The following BRINP2 variants were observed in gnomAD, a reference collection of about 807,000 sequenced individuals.
The protein encoded by BRINP2 is BMP/retinoic acid inducible neural specific 2.
A neutral mutation model predicts 69.2 loss-of-function variants in BRINP2; 21 were observed. The ratio of observed to expected loss-of-function variants is 0.30; its 90% CI spans 0.22 to 0.44. The LOEUF (loss-of-function observed/expected upper bound fraction) is 0.44. Ranked by LOEUF, BRINP2 falls within the 20% of genes least tolerant of loss-of-function variation. BRINP2 has a pLI of 1.00. For missense variants in BRINP2, 877 were observed against 986.0 expected, an observed-to-expected ratio of 0.89 and a Z score of 1.48; for synonymous variants, 380 against 394.1, an observed-to-expected ratio of 0.96 and a Z score of 0.42.
At chr1:177,250,750 A>T (rs977712243) in intron 2 of BRINP2, among the ~76,000 whole-genome samples, 12 of 152,338 alleles carry the variant, frequency 7.9e-5, no homozygotes, top group African/African-American at 2.2e-4. Context: ...TCTACTCCAT[A>T]GCACAGTTGT....
intron 1 of BRINP2, among the ~76,000 whole-genome samples, chr1:177,218,611 G>A (rs1458534350): frequency 2.0e-5 from 3 of 152,120 alleles, no homozygotes; most frequent in Non-Finnish European, 2.9e-5. Flanking sequence ...TGAGAATGGG[G>A]TGAGTTGCCT....
intron 1 of BRINP2, among the ~76,000 whole-genome samples, chr1:177,198,941 C>A (rs1285818492): frequency 6.6e-6 from 1 of 152,130 alleles, no homozygotes; most frequent in Non-Finnish European, 1.5e-5. Context: ...CCCTTCCTAA[C>A]CCTGAAAAGA....
chr1:177,224,215 C>T (rs1001228425), intron 1 of BRINP2, among the ~76,000 whole-genome samples: 2 of 152,148 alleles, frequency 1.3e-5, no homozygotes, highest in Non-Finnish European at 2.9e-5. Flanking sequence ...CTGACACCCT[C>T]AGATTTATTC....
At chr1:177,193,775 C>G (rs545832334) in intron 1 of BRINP2, among the ~76,000 whole-genome samples, 1 of 152,152 alleles carries the variant, frequency 6.6e-6, no homozygotes, top group Non-Finnish European at 1.5e-5. Flanking sequence ...TTTATAGACT[C>G]GTATGGTTCT....
chr1:177,274,342 C>T (rs1388323900), intron 5 of BRINP2, among the ~76,000 whole-genome samples: 2 of 152,186 alleles, frequency 1.3e-5, no homozygotes, highest in Non-Finnish European at 2.9e-5. Flanking sequence ...CAAGGCCTAA[C>T]TGAATTGTAC....
chr1:177,280,261 C>T (rs547885177), intron 7 of BRINP2, 151 bp from the exon 8 acceptor site: 10 of 825,372 alleles, frequency 1.2e-5, no homozygotes, highest in African/African-American at 1.0e-4. Flanking sequence ...TCCAAAGTAG[C>T]AAAGTAGAGT....
At position 177,210,959 on chromosome 1, in the gene BRINP2, T is replaced by C. The variant is rs1428397291; in HGVS notation, c.-76-18842T>C. On this transcript the variant is annotated intron_variant, in intron 1 of 7. Coordinates refer to ENST00000361539, the MANE Select transcript of BRINP2 (RefSeq NM_021165.4). Reference sequence around the variant, plus strand: ...TAGGTGCATTTATTTCTTTTTATATTTTTAATATAGCTATTAGTAAATTTA... The same window carrying C: ...TAGGTGCATTTATTTCTTTTTATATCTTTAATATAGCTATTAGTAAATTTA... Among the ~76,000 whole-genome samples, 47 of 148,648 alleles carry C rather than the reference T, an allele frequency of 3.2e-4. No homozygotes were observed. In the Admixed American group the frequency reaches 3.2e-3, roughly 10 times the overall value.
At chr1:177,254,318 C>T (rs1187326951) in intron 2 of BRINP2, among the ~76,000 whole-genome samples, 1 of 151,848 alleles carries the variant, frequency 6.6e-6, no homozygotes, top group Non-Finnish European at 1.5e-5. Context: ...TACCACATAA[C>T]ACTAAGAGTC....
intron 4 of BRINP2, among the ~76,000 whole-genome samples, chr1:177,271,577 G>A (rs554276511): frequency 2.0e-5 from 3 of 152,198 alleles, no homozygotes; most frequent in South Asian, 2.1e-4. Context: ...CCTCCTTGGA[G>A]AGTGATAGTA....
chr1:177,187,224 T>C (rs1374718396), intron 1 of BRINP2, among the ~76,000 whole-genome samples: 1 of 137,670 alleles, frequency 7.3e-6, no homozygotes, highest in East Asian at 2.1e-4. Context: ...CCCTAGCATA[T>C]TGTGCCCCCC....
intron 1 of BRINP2, among the ~76,000 whole-genome samples, chr1:177,179,607 TCACA>T (rs112089995): frequency 3.3e-5 from 5 of 152,102 alleles, no homozygotes; most frequent in African/African-American, 1.2e-4. Flanking sequence ...ACTCTTTCTC[TCACA>T]CACACACACC....
At chr1:177,250,849 C>A (rs913289692) in intron 2 of BRINP2, among the ~76,000 whole-genome samples, 1 of 152,172 alleles carries the variant, frequency 6.6e-6, no homozygotes, top group African/African-American at 2.4e-5. Flanking sequence ...AAATCCTGAC[C>A]TTGCCACCTA....
intron 2 of BRINP2, among the ~76,000 whole-genome samples, chr1:177,235,761 T>C (rs962225093): frequency 6.6e-6 from 1 of 152,202 alleles, no homozygotes; most frequent in Non-Finnish European, 1.5e-5. Flanking sequence ...ATCCCAGTGA[T>C]TTCCAAGGTG....
chr1:177,280,565 G>A lies in BRINP2; in HGVS notation c.1389G>A (p.Gly463=), dbSNP rs1193227392. 2 of 1,614,040 alleles carry A rather than the reference G, an allele frequency of 1.2e-6. No homozygotes were observed. The highest frequency in any genetic ancestry group is 1.7e-5 in the Admixed American group (1 of 60,006). Residue 463 remains glycine (G), a synonymous_variant, in exon 8 of 8, where the codon GGG becomes GGA. Coordinates refer to ENST00000361539, the MANE Select transcript of BRINP2 (RefSeq NM_021165.4). ...QGPIPCALGE[G]PACAHCAPDN... ...CCATCCCATGTGCCTTGGGCGAAGGGCCCGCGTGTGCCCACTGTGCTCCAG... is the reference window on the plus strand; with the variant it reads ...CCATCCCATGTGCCTTGGGCGAAGGACCCGCGTGTGCCCACTGTGCTCCAG...
At chr1:177,210,349 C>T (rs1649187903) in intron 1 of BRINP2, among the ~76,000 whole-genome samples, 1 of 152,222 alleles carries the variant, frequency 6.6e-6, no homozygotes, top group South Asian at 2.1e-4. Flanking sequence ...AGGAGCCAGG[C>T]CCTCTGATTC....
In BRINP2 at chr1:177,280,758, C is replaced by G. The variant is rs756265400; in HGVS notation, c.1582C>G (p.His528Asp). ...LQKQDSRIEV[H>D]SIFISNDMRL... Reference sequence around the variant, plus strand: ...GAAGCAGGATAGCCGCATTGAGGTACACTCCATCTTCATCAGCAATGACAT... The same window carrying G: ...GAAGCAGGATAGCCGCATTGAGGTAGACTCCATCTTCATCAGCAATGACAT... Residue 528 changes from histidine (H) to aspartate (D), a missense_variant, in exon 8 of 8, where the codon CAC becomes GAC. By Grantham distance (81) the His-to-Asp change is moderately conservative. Transcript: ENST00000361539. The G allele has an allele frequency of 1.2e-6, 2 of 1,614,196 alleles. 1 individual carries two copies. Among genetic ancestry groups the G allele is most frequent in the South Asian group, 2.2e-5 (2 of 91,078 alleles).
chr1:177,225,311 T>A (rs1298361326), intron 1 of BRINP2, among the ~76,000 whole-genome samples: 1 of 152,258 alleles, frequency 6.6e-6, no homozygotes, highest in Non-Finnish European at 1.5e-5. Context: ...GGTTTACCTT[T>A]ACGTTTTGTG....
At chr1:177,193,627 T>C (rs1648654682) in intron 1 of BRINP2, among the ~76,000 whole-genome samples, 1 of 152,134 alleles carries the variant, frequency 6.6e-6, no homozygotes, top group African/African-American at 2.4e-5. Context: ...GAGAAGGAAA[T>C]AAAAGAATGC....
chr1:177,243,788 C>A (rs1650286572), intron 2 of BRINP2, among the ~76,000 whole-genome samples: 1 of 152,192 alleles, frequency 6.6e-6, no homozygotes, highest in African/African-American at 2.4e-5. Context: ...TTCATGAAAT[C>A]ATTCAGGACC....
Sources: gnomAD v4.1 joint callset for allele counts (sites outside exome capture counted in the v4.1 genomes callset) on GRCh38, gnomAD v4.1.1 for gene constraint, MANE v1.5 for transcripts, NCBI Gene and HGNC (gene_info 2026-07-23, HGNC 2026-07-21) for gene names.